ZFP90: variants seen among roughly 807,000 people sequenced by gnomAD.
The protein encoded by ZFP90 is zinc finger protein 90 homolog.
In ZFP90, 38 loss-of-function variants were observed where a neutral mutation model predicts 60.8. That is an observed-to-expected ratio of 0.62 (90% CI 0.48 to 0.82). ZFP90 has a LOEUF of 0.82. Among genes scored for constraint, ZFP90 ranks in the 40% least tolerant of loss-of-function variants. The pLI, the probability that ZFP90 is intolerant of heterozygous loss-of-function variation, is 0.00. For synonymous variants in ZFP90, 287 were observed against 264.8 expected, an observed-to-expected ratio of 1.08 and a Z score of -0.82; for missense variants, 711 against 759.1, an observed-to-expected ratio of 0.94 and a Z score of 0.74.
intron 2 of ZFP90, chr16:68,574,004 T>TGTCCC (rs1192697698): frequency 9.3e-6 from 1 of 107,000 alleles, no homozygotes; most frequent in Non-Finnish European, 2.2e-5. Flanking sequence ...CCAGGTTTCC[T>TGTCCC]GCATGCAGGG....
At chr16:68,557,027 A>T (rs1272472297) in intron 2 of ZFP90, 3 of 343,098 alleles carry the variant, frequency 8.7e-6, no homozygotes, top group Non-Finnish European at 1.8e-5. Context: ...TCACTCCGTC[A>T]TCCAGGCTGG....
Position 68,567,045 on chromosome 16 carries a change from T to G in ZFP90, c.*2347T>G, listed in dbSNP as rs553461157. On this transcript the variant is annotated 3_prime_UTR_variant, in exon 5 of 5. Transcript: ENST00000563169. ...GTCCCAACAGCCATGAACCATGCAC[T>G]TATGGATACCCAGCCTTTTAGGGCT... The G allele has an allele frequency of 1.0e-6, 1 of 985,596 alleles. No homozygotes were observed. Among genetic ancestry groups the G allele is most frequent in the Non-Finnish European group, 1.2e-6 (1 of 829,936 alleles). 61.1% of individuals were successfully genotyped at this position (985,596 alleles called of 1,614,324 possible).
chr16:68,569,055 G>C (rs1285314890), downstream of ZFP90, among the ~76,000 whole-genome samples: 1 of 151,670 alleles, frequency 6.6e-6, no homozygotes, highest in Non-Finnish European at 1.5e-5. Flanking sequence ...CAATAAAGAA[G>C]AGCCTAGAGC....
chr16:68,542,014 G>C (rs1170932795), intron 2 of ZFP90, among the ~76,000 whole-genome samples: 1 of 152,194 alleles, frequency 6.6e-6, no homozygotes, highest in Non-Finnish European at 1.5e-5. Flanking sequence ...ATGAAGGACA[G>C]AACAGAACAC....
At chr16:68,548,385 T>C (rs1049860811) in intron 2 of ZFP90, among the ~76,000 whole-genome samples, 4 of 152,006 alleles carry the variant, frequency 2.6e-5, no homozygotes, top group African/African-American at 9.7e-5. Flanking sequence ...GTGTAAACAT[T>C]GGTAGTTTAG....
At chr16:68,575,144 G>A (rs1003191699) in intron 2 of ZFP90, among the ~76,000 whole-genome samples, 2 of 152,210 alleles carry the variant, frequency 1.3e-5, no homozygotes, top group Non-Finnish European at 2.9e-5. Context: ...GTGGCCAGCA[G>A]TGTCCCCACC....
At chr16:68,534,004 A>C (rs2090943877) in intron 2 of ZFP90, 2 of 152,110 alleles carry the variant, frequency 1.3e-5, no homozygotes, top group Non-Finnish European at 1.5e-5. Flanking sequence ...CAGTTCTGGA[A>C]ATTTTCAGCC....
At chr16:68,535,026 C>T (rs1019148025), upstream of ZFP90, among the ~76,000 whole-genome samples, 1 of 152,162 alleles carries the variant, frequency 6.6e-6, no homozygotes, top group East Asian at 1.9e-4. Flanking sequence ...TTCTGTCATT[C>T]ATGGTTCCAT....
At position 68,566,870 on chromosome 16, in the gene ZFP90, A is replaced by G; in HGVS notation, c.*2172A>G. On this transcript the variant is annotated 3_prime_UTR_variant, in exon 5 of 5. Transcript: ENST00000563169. Reference sequence around the variant, plus strand: ...CCCCACTGTTACGGAAGTTTATAAAACCTTAGTTCCAGAAGACCCAAAGGA... The same window carrying G: ...CCCCACTGTTACGGAAGTTTATAAAGCCTTAGTTCCAGAAGACCCAAAGGA... 1 of 985,418 alleles carries G rather than the reference A, an allele frequency of 1.0e-6. No individual in the cohort carries two copies. The highest frequency in any genetic ancestry group is 1.2e-6 in the Non-Finnish European group (1 of 829,928). The allele number at this position is 985,418 out of a possible 1,614,324, so 61.0% of individuals were successfully genotyped here. A position where few individuals can be genotyped will look rare whatever the true frequency, so the allele number is the denominator to read the frequency against.
At chr16:68,570,842 T>C (rs1462323730), downstream of ZFP90, among the ~76,000 whole-genome samples, 1 of 152,208 alleles carries the variant, frequency 6.6e-6, no homozygotes, top group Non-Finnish European at 1.5e-5. Context: ...TTATCCTTTA[T>C]TGACAGCTGC....
intron 2 of ZFP90, among the ~76,000 whole-genome samples, chr16:68,550,619 TTGTC>T (rs1457371533): frequency 6.6e-6 from 1 of 152,236 alleles, no homozygotes; most frequent in African/African-American, 2.4e-5. Context: ...ACTTTTAAGT[TTGTC>T]TGCTCTTTTT....
At chr16:68,569,634 ACT>A (rs2091556689), downstream of ZFP90, among the ~76,000 whole-genome samples, 1 of 151,944 alleles carries the variant, frequency 6.6e-6, no homozygotes, top group South Asian at 2.1e-4. Flanking sequence ...AGGTGCAGTG[ACT>A]CACACTTTTA....
intron 2 of ZFP90, among the ~76,000 whole-genome samples, chr16:68,572,937 CATT>C (rs899523034): frequency 8.9e-4 from 135 of 151,904 alleles, no homozygotes; most frequent in African/African-American, 3.2e-3. Flanking sequence ...TAAGGGTCTG[CATT>C]TGTGTTATCC....
At position 68,558,525 on chromosome 16, in the gene ZFP90, G is replaced by C. The variant is rs1163643032; in HGVS notation, c.213G>C (p.Glu71Asp). The C allele has an allele frequency of 3.1e-6, 5 of 1,613,902 alleles. No homozygotes were observed. Among genetic ancestry groups the C allele is most frequent in the Non-Finnish European group, 4.2e-6 (5 of 1,180,002 alleles). Residue 71 changes from glutamate to aspartate, a missense_variant, in exon 4 of 5, where the codon GAG (glutamate) becomes GAC (aspartate). By Grantham distance (45) the Glu-to-Asp change is conservative. This residue lies in a region of ZFP90 where 241 missense variants were observed against 247.6 expected (regional missense o/e 0.97). Coordinates refer to ENST00000563169, the MANE Select transcript of ZFP90 (RefSeq NM_001305203.2). Reference protein sequence around the residue: ...EVIFKLEQGEEPWISEGEIQR... With the variant: ...EVIFKLEQGEDPWISEGEIQR... The stretch of plus-strand genomic sequence containing the variant: ...TCTTCAAATTGGAGCAAGGAGAAGA[G>C]CCATGGATATCAGAGGGAGAAATCC...
intron 2 of ZFP90, among the ~76,000 whole-genome samples, chr16:68,543,935 C>T (rs1341055429): frequency 6.7e-6 from 1 of 150,100 alleles, no homozygotes; most frequent in African/African-American, 2.5e-5. Context: ...TCGCTGCAAC[C>T]TCTGCCTCCC....
At chr16:68,571,294 A>T (rs2091566596), downstream of ZFP90, among the ~76,000 whole-genome samples, 1 of 152,234 alleles carries the variant, frequency 6.6e-6, no homozygotes, top group Non-Finnish European at 1.5e-5. Flanking sequence ...CAGAAGTCAC[A>T]TGGTGGATTA....
At chr16:68,555,890 TAAGCTG>T (rs2091335530) in intron 2 of ZFP90, among the ~76,000 whole-genome samples, 1 of 152,224 alleles carries the variant, frequency 6.6e-6, no homozygotes, top group African/African-American at 2.4e-5. Flanking sequence ...GGGTACAGAA[TAAGCTG>T]AAGCCTCTGT....
chr16:68,569,456 A>T (rs909678638), downstream of ZFP90, among the ~76,000 whole-genome samples: 1 of 152,114 alleles, frequency 6.6e-6, no homozygotes, highest in Non-Finnish European at 1.5e-5. Flanking sequence ...CTTTTCTTGT[A>T]TGCTATCCTC....
In ZFP90 at chr16:68,541,216, T is replaced by C. The variant is rs372741889; in HGVS notation, c.33+1391T>C. The stretch of plus-strand genomic sequence containing the variant: ...CACACCCGGCTAATTTTTTTGTATT[T>C]TAGTAGAGTCAGGGTTTTACCATGT... On this transcript the variant is annotated intron_variant, in intron 2 of 4. Transcript: ENST00000563169. 5.9e-5 allele frequency among the ~76,000 whole-genome samples: 9 copies of C among 152,208 alleles called. No individual in the cohort carries two copies. The East Asian group carries it at 1.4e-3, about 23-fold the overall frequency.
Sources: gnomAD v4.1 joint callset for allele counts (sites outside exome capture counted in the v4.1 genomes callset) on GRCh38, gnomAD v4.1.1 for gene constraint, gnomAD v4.1.1 regional missense constraint, MANE v1.5 for transcripts, NCBI Gene and HGNC (gene_info 2026-07-23, HGNC 2026-07-21) for gene names.